The following SGPP2 variants were observed in gnomAD, a reference collection of about 807,000 sequenced individuals.
The protein encoded by SGPP2 is sphingosine-1-phosphate phosphatase 2.
A neutral mutation model predicts 33.9 loss-of-function variants in SGPP2; 30 were observed. That is an observed-to-expected ratio of 0.89 (90% confidence interval 0.66 to 1.20). The LOEUF (loss-of-function observed/expected upper bound fraction) is 1.20, where lower values mean the gene tolerates loss of function less well. Among genes scored for constraint, SGPP2 ranks in the 50% most tolerant of loss-of-function variants. The probability of loss-of-function intolerance (pLI) is 0.00; values close to 1 mark genes in which losing one functional copy is unlikely to be tolerated. For synonymous variants in SGPP2, 233 were observed against 225.0 expected (o/e 1.04, Z -0.32); for missense variants, 458 against 532.1 (o/e 0.86, Z 1.37).
intron 2 of SGPP2, among the ~76,000 whole-genome samples, chr2:222,478,519 A>G (rs886620265): frequency 6.6e-6 from 1 of 152,148 alleles, no homozygotes; most frequent in African/African-American, 2.4e-5. Flanking sequence ...TCAGAAAACG[A>G]TATCCCTAAA....
At chr2:222,538,614 T>G (rs1477686184) in intron 4 of SGPP2, among the ~76,000 whole-genome samples, 1 of 152,190 alleles carries the variant, frequency 6.6e-6, no homozygotes, top group Non-Finnish European at 1.5e-5. Flanking sequence ...TTGTTTTAAT[T>G]TATAAAGAAA....
chr2:222,529,529 T>G (rs988438776), intron 4 of SGPP2, among the ~76,000 whole-genome samples: 1 of 152,080 alleles, frequency 6.6e-6, no homozygotes, highest in Non-Finnish European at 1.5e-5. Flanking sequence ...GAGGCGGGGT[T>G]TCACCATGTT....
intron 2 of SGPP2, among the ~76,000 whole-genome samples, chr2:222,501,810 G>A (rs1698371666): frequency 6.6e-6 from 1 of 152,196 alleles, no homozygotes; most frequent in African/African-American, 2.4e-5. Flanking sequence ...CACAAATTGT[G>A]AGACATATTA....
intron 2 of SGPP2, among the ~76,000 whole-genome samples, chr2:222,509,997 C>T (rs137970449): frequency 2.6e-5 from 4 of 152,190 alleles, no homozygotes; most frequent in Non-Finnish European, 5.9e-5. Context: ...GTGTGTCCTT[C>T]GTGTTTGACT....
chr2:222,425,541 C>G (rs2106050767), intron 1 of SGPP2, among the ~76,000 whole-genome samples: 1 of 152,320 alleles, frequency 6.6e-6, no homozygotes, highest in Middle Eastern at 3.4e-3. Flanking sequence ...CCCACTGCGG[C>G]TTGGGGGGAA....
chr2:222,466,559 T>C (rs1447547274), intron 1 of SGPP2, among the ~76,000 whole-genome samples: 1 of 152,110 alleles, frequency 6.6e-6, no homozygotes, highest in Non-Finnish European at 1.5e-5. Context: ...TGCCCAGCCT[T>C]AATTTTTATT....
rs866969160 is a variant in SGPP2 at position 222,466,510 on chromosome 2, G to T, written c.220-8058G>T. On this transcript the variant is annotated intron_variant, in intron 1 of 4. Transcript: ENST00000321276. Reference sequence around the variant, plus strand: ...CCTGACCTCGTGATCCGCCCACCTCGGCCTCCCAAAGTGCTGGGATTACAG... The same window carrying T: ...CCTGACCTCGTGATCCGCCCACCTCTGCCTCCCAAAGTGCTGGGATTACAG... 2.6e-5 allele frequency among the ~76,000 whole-genome samples: 4 copies of T among 151,984 alleles called. No homozygotes were observed. In the South Asian group the frequency reaches 8.3e-4, roughly 32 times the overall value.
At chr2:222,548,861 C>T (rs955428176) in intron 4 of SGPP2, among the ~76,000 whole-genome samples, 4 of 152,202 alleles carry the variant, frequency 2.6e-5, no homozygotes, top group Non-Finnish European at 5.9e-5. Context: ...GCATTATTCT[C>T]AGCAACTGAT....
intron 1 of SGPP2, among the ~76,000 whole-genome samples, chr2:222,427,449 G>A (rs1350449223): frequency 2.2e-4 from 33 of 151,974 alleles, no homozygotes; most frequent in Admixed American, 2.2e-3. Context: ...TGTTGTTATT[G>A]TTGTTTTTTG....
At chr2:222,517,234 C>G (rs987025441) in intron 2 of SGPP2, among the ~76,000 whole-genome samples, 1 of 152,208 alleles carries the variant, frequency 6.6e-6, no homozygotes, top group Non-Finnish European at 1.5e-5. Flanking sequence ...TAAATAGGAA[C>G]AGGCATTCCT....
intron 2 of SGPP2, among the ~76,000 whole-genome samples, chr2:222,507,482 A>G (rs1698462245): frequency 6.6e-6 from 1 of 152,210 alleles, no homozygotes; most frequent in Non-Finnish European, 1.5e-5. Flanking sequence ...TTGTAAAGCT[A>G]AAGGTTTTGA....
intron 1 of SGPP2, among the ~76,000 whole-genome samples, chr2:222,461,608 A>G (rs1697661496): frequency 6.6e-6 from 1 of 152,022 alleles, no homozygotes; most frequent in Non-Finnish European, 1.5e-5. Context: ...AGATGGTCCC[A>G]TCTAAGGGTG....
intron 3 of SGPP2, among the ~76,000 whole-genome samples, chr2:222,524,260 C>T (rs1393654984): frequency 1.3e-5 from 2 of 152,186 alleles, no homozygotes; most frequent in Non-Finnish European, 2.9e-5. Flanking sequence ...GCCCTATTGT[C>T]TTTGATCTTC....
chr2:222,473,378 C>T (rs1697878928), intron 1 of SGPP2, among the ~76,000 whole-genome samples: 1 of 152,122 alleles, frequency 6.6e-6, no homozygotes, highest in Non-Finnish European at 1.5e-5. Context: ...TCATCAAAGC[C>T]AGCAGCTTAG....
At chr2:222,513,869 C>T (rs1698565781) in intron 2 of SGPP2, among the ~76,000 whole-genome samples, 1 of 152,170 alleles carries the variant, frequency 6.6e-6, no homozygotes, top group Non-Finnish European at 1.5e-5. Context: ...CCCTTGATTT[C>T]AGACTTGTGG....
intron 4 of SGPP2, among the ~76,000 whole-genome samples, chr2:222,547,174 T>C (rs1164751166): frequency 1.3e-5 from 2 of 152,192 alleles, no homozygotes; most frequent in Non-Finnish European, 2.9e-5. Flanking sequence ...TCTTTTCTGT[T>C]CTCTTATTGC....
At chr2:222,454,784 A>C (rs975482833) in intron 1 of SGPP2, among the ~76,000 whole-genome samples, 4 of 152,058 alleles carry the variant, frequency 2.6e-5, no homozygotes, top group Non-Finnish European at 5.9e-5. Context: ...AGATCTAGTA[A>C]ATCAGGCTCC....
intron 2 of SGPP2, among the ~76,000 whole-genome samples, chr2:222,515,117 A>G (rs1458173878): frequency 6.6e-6 from 1 of 151,330 alleles, no homozygotes; most frequent in Admixed American, 6.6e-5. Flanking sequence ...TTGCAATATT[A>G]TCTTAACTGA....
rs367802123 is a variant in SGPP2 at position 222,443,191 on chromosome 2, A to T, written c.219+18370A>T. The stretch of plus-strand genomic sequence containing the variant: ...CTCGGCTTTGCCCTATGAATCATAT[A>T]TTTTTTTTAATTTCAGCTTTATTTT... On this transcript the variant is annotated intron_variant, in intron 1 of 4. Coordinates refer to ENST00000321276, the MANE Select transcript of SGPP2 (RefSeq NM_152386.4). 1.7e-3 allele frequency among the ~76,000 whole-genome samples: 259 copies of T among 152,058 alleles called. 2 individuals are homozygous for T. Among genetic ancestry groups the T allele is most frequent in the Middle Eastern group, 0.017 (5 of 294 alleles).
Sources: gnomAD v4.1 joint callset for allele counts (sites outside exome capture counted in the v4.1 genomes callset) on GRCh38, gnomAD v4.1.1 for gene constraint, MANE v1.5 for transcripts, NCBI Gene and HGNC (gene_info 2026-07-23, HGNC 2026-07-21) for gene names.